ADCY2: variants seen among roughly 807,000 people sequenced by gnomAD.
ADCY2 encodes the protein adenylate cyclase type 2.
In ADCY2, 31 loss-of-function variants were observed where a neutral mutation model predicts 125.2. The ratio of observed to expected loss-of-function variants is 0.25; its 90% CI spans 0.19 to 0.33. ADCY2 has a LOEUF of 0.33. ADCY2 is among the 10% of genes least tolerant of loss of function. The pLI is 1.00. For synonymous variants in ADCY2, 512 were observed against 548.4 expected, an observed-to-expected ratio of 0.93 and a Z score of 0.93; for missense variants, 904 against 1,418.2, an observed-to-expected ratio of 0.64 and a Z score of 5.82.
At chr5:7,662,015 G>A (rs778682982) in intron 4 of ADCY2, among the ~76,000 whole-genome samples, 1 of 152,126 alleles carries the variant, frequency 6.6e-6, no homozygotes, top group Non-Finnish European at 1.5e-5. Context: ...CTCTTTTGCT[G>A]TGCAAGGTAA....
chr5:7,693,458 A>T (rs1442901571), intron 5 of ADCY2, among the ~76,000 whole-genome samples: 1 of 114,458 alleles, frequency 8.7e-6, no homozygotes, highest in Admixed American at 1.0e-4. Flanking sequence ...TCACTCTGTC[A>T]CCCAGGCTGG....
At chr5:7,526,363 A>C (rs987372298) in intron 3 of ADCY2, among the ~76,000 whole-genome samples, 7 of 152,214 alleles carry the variant, frequency 4.6e-5, no homozygotes, top group African/African-American at 1.4e-4. Context: ...CAAGTACAAA[A>C]ATGCAGGTAG....
At chr5:7,501,640 CCCCCCT>C (rs1561060320) in intron 2 of ADCY2, among the ~76,000 whole-genome samples, 23 of 30,918 alleles carry the variant, frequency 7.4e-4, no homozygotes, top group African/African-American at 3.2e-3. Context: ...GAATGAGATT[CCCCCCT>C]CCCCCCCCCC....
rs200387531 is a variant in ADCY2 at position 7,507,701 on chromosome 5, C to T, written c.409-13037C>T. ...GGAAAAGGACCTCCTGGTGTTGGAA[C>T]GAGGTGTTTTTGTTAGGACAGATGG... On this transcript the variant is annotated intron_variant, in intron 2 of 24. Coordinates refer to ENST00000338316, the MANE Select transcript of ADCY2 (RefSeq NM_020546.3). Among the ~76,000 whole-genome samples the T allele has an allele frequency of 5.9e-5, 9 of 152,102 alleles. No individual in the cohort carries two copies. In the East Asian group the frequency reaches 7.8e-4, roughly 13 times the overall value.
chr5:7,589,509 A>AGAAAGAAAGAAAGAAAG (rs1736770280), intron 3 of ADCY2, among the ~76,000 whole-genome samples: 1 of 116,042 alleles, frequency 8.6e-6, no homozygotes, highest in Non-Finnish European at 2.0e-5. Context: ...AAAGAAAGAA[A>AGAAAGAAAGAAAGAAAG]GAAAAGAAAA....
intron 12 of ADCY2, among the ~76,000 whole-genome samples, chr5:7,723,491 G>C (rs968770030): frequency 3.9e-5 from 6 of 151,966 alleles, no homozygotes; most frequent in Non-Finnish European, 8.8e-5. Flanking sequence ...CAGACAATGT[G>C]GTACAATGCA....
chr5:7,727,599 G>A (rs1436498715), intron 14 of ADCY2, among the ~76,000 whole-genome samples: 2 of 152,180 alleles, frequency 1.3e-5, no homozygotes, highest in Admixed American at 6.5e-5. Context: ...ATCCCCAGAT[G>A]TGGTTTCTAA....
intron 2 of ADCY2, among the ~76,000 whole-genome samples, chr5:7,496,008 G>A (rs1016252812): frequency 2.6e-5 from 4 of 152,162 alleles, no homozygotes; most frequent in African/African-American, 9.7e-5. Context: ...ACTGAAGGGT[G>A]GTTGTTGCTG....
intron 18 of ADCY2, among the ~76,000 whole-genome samples, chr5:7,783,346 G>T (rs1243267678): frequency 2.0e-5 from 3 of 152,150 alleles, no homozygotes; most frequent in Non-Finnish European, 2.9e-5. Context: ...AAAACAGCCT[G>T]CAGGGTAGGG....
intron 2 of ADCY2, among the ~76,000 whole-genome samples, chr5:7,461,308 T>C (rs1057386051): frequency 2.6e-5 from 4 of 152,216 alleles, no homozygotes; most frequent in African/African-American, 7.2e-5. Flanking sequence ...CTTCTTTTTC[T>C]TTACTAGAAG....
intron 2 of ADCY2, among the ~76,000 whole-genome samples, chr5:7,490,676 T>C (rs1266212595): frequency 6.6e-6 from 1 of 151,662 alleles, no homozygotes; most frequent in Non-Finnish European, 1.5e-5. Context: ...CACACACACA[T>C]GCATGCACAC....
chr5:7,593,254 C>G (rs1350041045), intron 3 of ADCY2, among the ~76,000 whole-genome samples: 1 of 152,118 alleles, frequency 6.6e-6, no homozygotes, highest in Non-Finnish European at 1.5e-5. Flanking sequence ...TATAGAGCAC[C>G]AAAGACACCC....
At chr5:7,629,056 G>A (rs1738225014) in intron 4 of ADCY2, among the ~76,000 whole-genome samples, 1 of 151,886 alleles carries the variant, frequency 6.6e-6, no homozygotes. Flanking sequence ...AAACAGTAAT[G>A]TCCTTCAAAG....
chr5:7,735,684 A>G (rs565217101), intron 14 of ADCY2, among the ~76,000 whole-genome samples: 9 of 152,220 alleles, frequency 5.9e-5, no homozygotes, highest in Admixed American at 5.2e-4. Flanking sequence ...CCCACTTGGT[A>G]TTGATATACA....
Position 7,784,367 on chromosome 5 carries a change from C to T in ADCY2, c.2387C>T (p.Pro796Leu), listed in dbSNP as rs1400860286. ...GDYSQVLFER[P>L]GIWKDLKTMG... ...TTTGTCTGTCTGTTTTTTAATAGAC[C>T]AGGCATTTGGAAAGACCTGAAGACC... The change falls in exon 19 of 25, where the codon CCA (proline) becomes CTA (leucine). Residue 796 changes from proline to leucine, a missense_variant and splice_region_variant. Physicochemically the swap from Pro to Leu is moderately conservative, Grantham distance 98 (BLOSUM62 -3). This residue lies in a region of ADCY2 where 181 missense variants were observed against 381.6 expected (regional missense o/e 0.47). Transcript: ENST00000338316. The T allele has an allele frequency of 1.9e-6, 3 of 1,612,590 alleles. No homozygotes were observed. The highest frequency in any genetic ancestry group is 2.5e-6 in the Non-Finnish European group (3 of 1,178,930).
intron 2 of ADCY2, among the ~76,000 whole-genome samples, chr5:7,446,285 T>G (rs1456719613): frequency 1.3e-5 from 2 of 152,218 alleles, no homozygotes; most frequent in Non-Finnish European, 2.9e-5. Context: ...TTAAGAAACT[T>G]GATTGTTCGT....
intron 2 of ADCY2, among the ~76,000 whole-genome samples, chr5:7,472,811 T>TG (rs1392068153): frequency 6.6e-6 from 1 of 152,216 alleles, no homozygotes; most frequent in East Asian, 1.9e-4. Context: ...TCTGATTTGT[T>TG]GGTTGGTGAG....
Position 7,819,677 on chromosome 5 carries a change from G to A in ADCY2, c.2999-888G>A, listed in dbSNP as rs563452228. Among the ~76,000 whole-genome samples, 182 of 152,286 alleles carry A rather than the reference G, an allele frequency of 1.2e-3. 3 individuals carry two copies. The South Asian group carries it at 0.037, about 31-fold the overall frequency. On this transcript the variant is annotated intron_variant, in intron 23 of 24. Coordinates refer to ENST00000338316, the MANE Select transcript of ADCY2 (RefSeq NM_020546.3). ...CCCGACCCTCTGTCTCTCCCAGGAG[G>A]GGACTTCCCTGCTTGACCTCCATGC...
chr5:7,718,822 A>T (rs764008114), intron 12 of ADCY2, among the ~76,000 whole-genome samples: 8 of 152,094 alleles, frequency 5.3e-5, no homozygotes, highest in East Asian at 1.9e-4. Context: ...AACTTCCTGC[A>T]ATCTAACAGC....
Sources: gnomAD v4.1 joint callset for allele counts (sites outside exome capture counted in the v4.1 genomes callset) on GRCh38, gnomAD v4.1.1 for gene constraint, gnomAD v4.1.1 regional missense constraint, MANE v1.5 for transcripts, NCBI Gene and HGNC (gene_info 2026-07-23, HGNC 2026-07-21) for gene names.